Variants in MACO1 observed in about 807,000 individuals in gnomAD.
MACO1 encodes the protein macoilin.
A neutral mutation model predicts 78.7 loss-of-function variants in MACO1; 14 were observed. The observed-to-expected ratio is 0.18, with a 90% CI of 0.12 to 0.28. The LOEUF is 0.28. Among genes scored for constraint, MACO1 ranks in the 10% least tolerant of loss-of-function variants. The probability of loss-of-function intolerance (pLI) is 1.00; values close to 1 mark genes in which losing one functional copy is unlikely to be tolerated. For synonymous variants in MACO1, 288 were observed against 291.6 expected (o/e 0.99, Z 0.12); for missense variants, 501 against 799.0 (o/e 0.63, Z 4.50).
At chr1:25,436,847 T>C (rs1461601733) in intron 1 of MACO1, among the ~76,000 whole-genome samples, 2 of 152,246 alleles carry the variant, frequency 1.3e-5, no homozygotes, top group Non-Finnish European at 2.9e-5. Flanking sequence ...GATTGCTTTA[T>C]ATTTTTTTCT....
intron 1 of MACO1, among the ~76,000 whole-genome samples, chr1:25,441,895 A>G (rs1198270828): frequency 6.6e-6 from 1 of 152,246 alleles, no homozygotes; most frequent in Non-Finnish European, 1.5e-5. Context: ...CCCAGTTATG[A>G]GAAGGACAGT....
At chr1:25,460,937 T>C (rs935928459) in intron 6 of MACO1, among the ~76,000 whole-genome samples, 2 of 152,146 alleles carry the variant, frequency 1.3e-5, no homozygotes, top group African/African-American at 4.8e-5. Flanking sequence ...TCCCATGGTA[T>C]TATTTTCAAC....
At chr1:25,479,384 A>C (rs573452782) in intron 6 of MACO1, among the ~76,000 whole-genome samples, 1 of 152,096 alleles carries the variant, frequency 6.6e-6, no homozygotes, top group East Asian at 1.9e-4. Flanking sequence ...CTAGCACTCA[A>C]CTATCTTGAT....
rs2043142095 is a variant in MACO1, at chr1:25,458,447, A to G, written c.709A>G (p.Ile237Val). The change falls in exon 6 of 11, where the codon ATC becomes GTC. Residue 237 changes from isoleucine to valine, a missense_variant. Around this residue, in one of 5 missense-constraint regions of MACO1, gnomAD observed 171 missense variants for 292.1 expected, o/e 0.59. Transcript: ENST00000374343. ...GATCCTTATACACCACAATGGAGGT[A>G]TCCCAGCCAACAAAAAACTCTCCAC... ...SSILIHHNGGIPANKKLSTTL... is the reference protein window; with the variant it reads ...SSILIHHNGGVPANKKLSTTL... 3 of 1,613,288 alleles carry G rather than the reference A, an allele frequency of 1.9e-6. No individual in the cohort carries two copies. Among genetic ancestry groups the G allele is most frequent in the Non-Finnish European group, 2.5e-6 (3 of 1,179,792 alleles).
At chr1:25,446,741 C>G (rs566153807) in intron 1 of MACO1, 21 bp from the exon 2 acceptor site, 18 of 1,575,036 alleles carry the variant, frequency 1.1e-5, no homozygotes, top group Non-Finnish European at 1.5e-5. Context: ...TAAATTAATT[C>G]TTTATTTTTA....
intron 10 of MACO1, among the ~76,000 whole-genome samples, chr1:25,495,911 G>A (rs1317010048): frequency 6.6e-6 from 1 of 152,146 alleles, no homozygotes; most frequent in Non-Finnish European, 1.5e-5. Context: ...GCAGTGAGTA[G>A]CAATCACGCC....
chr1:25,496,774 A>T, intron 10 of MACO1, among the ~76,000 whole-genome samples: 1 of 152,054 alleles, frequency 6.6e-6, no homozygotes, highest in East Asian at 1.9e-4. Context: ...ATGGACACAG[A>T]TCATCACCAA....
rs202050214 is a variant in MACO1, at chr1:25,480,929, AATATATATATATAT to A, written c.1155-3154_1155-3141del. 4.2e-3 allele frequency among the ~76,000 whole-genome samples: 200 copies of A among 47,486 alleles called. 1 individual carries two copies. Among genetic ancestry groups the A allele is most frequent in the Middle Eastern group, 0.012 (1 of 86 alleles). The allele number at this position is 47,486 out of a possible 152,430, so 31.2% of individuals were successfully genotyped here. On this transcript the variant is annotated intron_variant, in intron 6 of 10. Coordinates refer to ENST00000374343, the MANE Select transcript of MACO1 (RefSeq NM_018202.6). Reference sequence around the variant, plus strand: ...AGACTTGGTTAAAAAAAAAAAAAAAAATATATATATATATATATATATATATATATATATATATA... The same window carrying A: ...AGACTTGGTTAAAAAAAAAAAAAAAAATATATATATATATATATATATATA...
chr1:25,480,160 T>C (rs1388177483), intron 6 of MACO1, among the ~76,000 whole-genome samples: 3 of 152,238 alleles, frequency 2.0e-5, no homozygotes, highest in East Asian at 1.9e-4. Context: ...CAAGGCAAAT[T>C]AATGCTTTCT....
At chr1:25,471,543 G>A (rs139992485) in intron 6 of MACO1, among the ~76,000 whole-genome samples, 21 of 152,296 alleles carry the variant, frequency 1.4e-4, no homozygotes, top group African/African-American at 4.6e-4. Flanking sequence ...AGTAAGGACA[G>A]GGAACTTATT....
chr1:25,472,284 A>T (rs1230256383), intron 6 of MACO1, among the ~76,000 whole-genome samples: 1 of 152,130 alleles, frequency 6.6e-6, no homozygotes, highest in Non-Finnish European at 1.5e-5. Flanking sequence ...TTACACAGGT[A>T]CATACATGCC....
intron 6 of MACO1, among the ~76,000 whole-genome samples, chr1:25,473,383 T>A (rs2043291649): frequency 6.6e-6 from 1 of 152,198 alleles, no homozygotes; most frequent in Non-Finnish European, 1.5e-5. Context: ...GTTTACCGAA[T>A]GTCTCCATAT....
intron 5 of MACO1, among the ~76,000 whole-genome samples, chr1:25,457,673 A>G (rs1026682913): frequency 3.9e-5 from 6 of 152,252 alleles, no homozygotes; most frequent in African/African-American, 1.4e-4. Flanking sequence ...ACCAATAGAA[A>G]TAGATAATTG....
chr1:25,499,397 G>A lies in MACO1; in HGVS notation c.*931G>A, dbSNP rs1486542967. On this transcript the variant is annotated 3_prime_UTR_variant, in exon 11 of 11. Coordinates refer to ENST00000374343, the MANE Select transcript of MACO1 (RefSeq NM_018202.6). ...GGAAGGGAGCTGGGCAGTGTTTGTG[G>A]ACGAGAGACTGTAACGATGGCTAAT... is the stretch of plus-strand genomic sequence containing the variant. 6.6e-6 allele frequency: 1 copy of A among 151,586 alleles called. No individual in the cohort carries two copies. Among genetic ancestry groups the A allele is most frequent in the East Asian group, 1.9e-4 (1 of 5,170 alleles). The allele number at this position is 151,586 out of a possible 1,614,324, so 9.4% of individuals were successfully genotyped here.
chr1:25,446,752 T>G lies in MACO1; in HGVS notation c.81-10T>G. On this transcript the variant is annotated splice_polypyrimidine_tract_variant and intron_variant, in intron 1 of 10. Coordinates refer to ENST00000374343, the MANE Select transcript of MACO1 (RefSeq NM_018202.6). ...ACCTTAAATTAATTCTTTATTTTTA[T>G]ATTTTGCAGTACATTTTTATACCTG... The G allele has an allele frequency of 3.8e-6, 6 of 1,596,794 alleles. No individual in the cohort carries two copies. The highest frequency in any genetic ancestry group is 5.1e-6 in the Non-Finnish European group (6 of 1,173,462).
chr1:25,431,706 C>T (rs1376055475), intron 1 of MACO1, among the ~76,000 whole-genome samples: 1 of 152,184 alleles, frequency 6.6e-6, no homozygotes. Context: ...GGCCTGGGGC[C>T]ATGCTGTCAC....
At position 25,498,598 on chromosome 1, in the gene MACO1, G is replaced by C; in HGVS notation, c.*132G>C. 1 of 859,376 alleles carries C rather than the reference G, an allele frequency of 1.2e-6. No homozygotes were observed. Among genetic ancestry groups the C allele is most frequent in the South Asian group, 1.9e-5 (1 of 52,596 alleles). The allele number at this position is 859,376 out of a possible 1,614,324, so 53.2% of individuals were successfully genotyped here. A position where few individuals can be genotyped will look rare whatever the true frequency, so the allele number is the denominator to read the frequency against. On this transcript the variant is annotated 3_prime_UTR_variant, in exon 11 of 11. Coordinates refer to ENST00000374343, the MANE Select transcript of MACO1 (RefSeq NM_018202.6). ...CTGTATCTGTTGTCATTTTTAAAAAGGGGGGAAAAGATAACATCCAAGTCT... is the reference window on the plus strand; with the variant it reads ...CTGTATCTGTTGTCATTTTTAAAAACGGGGGAAAAGATAACATCCAAGTCT...
Position 25,458,379 on chromosome 1 carries a change from T to C in MACO1, c.653-12T>C. The C allele has an allele frequency of 6.4e-7, 1 of 1,555,222 alleles. No individual in the cohort carries two copies. Among genetic ancestry groups the C allele is most frequent in the Non-Finnish European group, 8.6e-7 (1 of 1,156,456 alleles). Reference sequence around the variant, plus strand: ...GGGCTTTTTGTTTGTTGGTTTGTTTTTGGTATTGTAGCAGCCAAAGGATTA... The same window carrying C: ...GGGCTTTTTGTTTGTTGGTTTGTTTCTGGTATTGTAGCAGCCAAAGGATTA... On this transcript the variant is annotated splice_polypyrimidine_tract_variant and intron_variant, in intron 5 of 10. Transcript: ENST00000374343.
At chr1:25,450,047 T>TA (rs1216110765) in intron 3 of MACO1, among the ~76,000 whole-genome samples, 4 of 151,490 alleles carry the variant, frequency 2.6e-5, no homozygotes, top group African/African-American at 4.9e-5. Context: ...CAACACAAAA[T>TA]AAAAAAAATA....
Sources: gnomAD v4.1 joint callset for allele counts (sites outside exome capture counted in the v4.1 genomes callset) on GRCh38, gnomAD v4.1.1 for gene constraint, gnomAD v4.1.1 regional missense constraint, MANE v1.5 for transcripts, NCBI Gene and HGNC (gene_info 2026-07-23, HGNC 2026-07-21) for gene names.